The following PLBD2 variants were observed in gnomAD, a reference collection of about 807,000 sequenced individuals.
The protein encoded by PLBD2 is putative aminopeptidase PLBD2.
In PLBD2, 51 loss-of-function variants were observed where a neutral mutation model predicts 68.3. That is an observed-to-expected ratio of 0.75 (90% CI 0.60 to 0.94). The LOEUF is 0.94. Among genes scored for constraint, PLBD2 ranks in the 40% least tolerant of loss-of-function variants. PLBD2 has a pLI of 0.00. For missense variants in PLBD2, 729 were observed against 792.2 expected, an observed-to-expected ratio of 0.92 and a Z score of 0.96; for synonymous variants, 314 against 339.3, an observed-to-expected ratio of 0.93 and a Z score of 0.82.
At chr12:113,381,803 T>G (rs575314378) in intron 6 of PLBD2, among the ~76,000 whole-genome samples, 19 of 151,708 alleles carry the variant, frequency 1.3e-4, no homozygotes, top group African/African-American at 4.4e-4. Flanking sequence ...CTCAGAATAG[T>G]GTTTTAACTT....
intron 1 of PLBD2, among the ~76,000 whole-genome samples, chr12:113,367,605 C>T (rs1957351889): frequency 1.3e-5 from 2 of 151,906 alleles, no homozygotes; most frequent in African/African-American, 4.8e-5. Context: ...CCAAAATTAG[C>T]TGGGTGTGGT....
Position 113,385,250 on chromosome 12 carries a change from A to G in PLBD2, c.1253A>G (p.Tyr418Cys), listed in dbSNP as rs768155577. 1 of 1,614,054 alleles carries G rather than the reference A, an allele frequency of 6.2e-7. No homozygotes were observed. The highest frequency in any genetic ancestry group is 8.5e-7 in the Non-Finnish European group (1 of 1,179,988). ...VVVADKTSEL[Y>C]QKTYWASYNI... The stretch of plus-strand genomic sequence containing the variant: ...GTGGCTGACAAGACCTCGGAGCTCT[A>G]CCAGAAGACCTACTGGGCCAGCTAC... Residue 418 changes from tyrosine to cysteine, a missense_variant, in exon 9 of 12, where the codon TAC (tyrosine) becomes TGC (cysteine). Physicochemically the swap from Tyr to Cys is radical, Grantham distance 194 (BLOSUM62 -2). Coordinates refer to ENST00000280800, the MANE Select transcript of PLBD2 (RefSeq NM_173542.4).
rs551883115 is a variant in PLBD2 at position 113,380,415 on chromosome 12, G to A, written c.860-330G>A. 3.9e-5 allele frequency among the ~76,000 whole-genome samples: 6 copies of A among 152,326 alleles called. No homozygotes were observed. The East Asian group carries it at 1.2e-3, about 29-fold the overall frequency. On this transcript the variant is annotated intron_variant, in intron 5 of 11. Coordinates refer to ENST00000280800, the MANE Select transcript of PLBD2 (RefSeq NM_173542.4). ...CTCCCAAAGTGCAGGGATTACAGGT[G>A]TGAGCCACTGCACCCAGCTGTGTTG...
At position 113,374,592 on chromosome 12, in the gene PLBD2, AGT is replaced by A. The variant is rs772778854; in HGVS notation, c.644+20_644+21del. Reference sequence around the variant, plus strand: ...GGGTTCCTGTAAGTGCCACCCCCAGAGTGAACAGGGTGGGAAGAAGGGCCACA... The same window carrying A: ...GGGTTCCTGTAAGTGCCACCCCCAGAGAACAGGGTGGGAAGAAGGGCCACA... On this transcript the variant is annotated intron_variant, in intron 4 of 11. Transcript: ENST00000280800. 1.5e-5 allele frequency: 23 copies of A among 1,571,086 alleles called. No homozygotes were observed. Among genetic ancestry groups the A allele is most frequent in the African/African-American group, 2.7e-5 (2 of 74,260 alleles).
At chr12:113,373,227 T>G (rs1304069726) in intron 3 of PLBD2, among the ~76,000 whole-genome samples, 1 of 152,260 alleles carries the variant, frequency 6.6e-6, no homozygotes, top group African/African-American at 2.4e-5. Flanking sequence ...TGTTTTCCTT[T>G]CCTTGAGTGA....
chr12:113,380,715 C>T, intron 5 of PLBD2, 30 bp from the exon 6 acceptor site: 1 of 1,536,688 alleles, frequency 6.5e-7, no homozygotes, highest in Non-Finnish European at 8.8e-7. Context: ...CCTGTCTGAC[C>T]AGCATCCCTG....
intron 6 of PLBD2, among the ~76,000 whole-genome samples, chr12:113,382,599 A>G (rs1386684462): frequency 2.0e-5 from 3 of 151,790 alleles, no homozygotes; most frequent in Admixed American, 6.6e-5. Flanking sequence ...GCCTGCCACC[A>G]TGCCTGGCTA....
At chr12:113,363,671 G>A (rs1258090656) in intron 1 of PLBD2, among the ~76,000 whole-genome samples, 1 of 151,358 alleles carries the variant, frequency 6.6e-6, no homozygotes, top group Non-Finnish European at 1.5e-5. Context: ...CCGAGTAGCT[G>A]GGACTACAGG....
In PLBD2 at chr12:113,384,282, C is replaced by T. The variant is rs772600334; in HGVS notation, c.1118+17C>T. ...CAGCGGCACGTGAGTGGGCTTCTGGCCCTGTGGCTTCCCCTGCACCAAGAG... is the reference window on the plus strand; with the variant it reads ...CAGCGGCACGTGAGTGGGCTTCTGGTCCTGTGGCTTCCCCTGCACCAAGAG... On this transcript the variant is annotated intron_variant, in intron 7 of 11. Coordinates refer to ENST00000280800, the MANE Select transcript of PLBD2 (RefSeq NM_173542.4). This position sits in a 1 kb window ranked among gnomAD's most constrained non-coding sequence, Gnocchi z 4.2. The T allele has an allele frequency of 3.8e-6, 6 of 1,599,020 alleles. No homozygotes were observed. Among genetic ancestry groups the T allele is most frequent in the Non-Finnish European group, 5.1e-6 (6 of 1,171,436 alleles).
intron 6 of PLBD2, among the ~76,000 whole-genome samples, chr12:113,383,421 CACGTGCCTCA>C (rs1957515788): frequency 6.6e-6 from 1 of 152,096 alleles, no homozygotes; most frequent in South Asian, 2.1e-4. Flanking sequence ...TGGTGGGGAA[CACGTGCCTCA>C]ACTGGATATG....
chr12:113,364,011 T>TG (rs1244615561), intron 1 of PLBD2, among the ~76,000 whole-genome samples: 1 of 152,244 alleles, frequency 6.6e-6, no homozygotes, highest in Non-Finnish European at 1.5e-5. Context: ...TCTTTGCTCA[T>TG]CAGCACATGC....
chr12:113,369,780 T>G (rs938055769), intron 2 of PLBD2, among the ~76,000 whole-genome samples: 1 of 150,108 alleles, frequency 6.7e-6, no homozygotes, highest in African/African-American at 2.5e-5. Context: ...TTGGGGGGAG[T>G]GGGGAGTGGG....
chr12:113,362,943 C>A (rs1957308082), intron 1 of PLBD2, among the ~76,000 whole-genome samples: 1 of 150,560 alleles, frequency 6.6e-6, no homozygotes, highest in African/African-American at 2.4e-5. Flanking sequence ...AGCCACTATA[C>A]CCAGCTAATT....
chr12:113,386,548 C>G (rs139894012), intron 9 of PLBD2, among the ~76,000 whole-genome samples: 177 of 146,646 alleles, frequency 1.2e-3, no homozygotes, highest in African/African-American at 4.1e-3. Context: ...GAGACGGAGT[C>G]TCGCTGTGTC....
At chr12:113,369,604 C>T (rs1458485136) in intron 2 of PLBD2, among the ~76,000 whole-genome samples, 3 of 151,894 alleles carry the variant, frequency 2.0e-5, no homozygotes, top group Non-Finnish European at 4.4e-5. Context: ...CAGCTATAAA[C>T]GGGAATAAAG....
chr12:113,386,896 G>A, intron 9 of PLBD2, 41 bp from the exon 10 acceptor site: 1 of 1,604,038 alleles, frequency 6.2e-7, no homozygotes, highest in Non-Finnish European at 8.5e-7. Context: ...GGCTGAGTGA[G>A]GCCAGTGGGG....
At chr12:113,376,175 T>C (rs1957436618) in intron 5 of PLBD2, among the ~76,000 whole-genome samples, 1 of 137,172 alleles carries the variant, frequency 7.3e-6, no homozygotes, top group African/African-American at 2.8e-5. Flanking sequence ...TTTTTTTTTT[T>C]TTTTTTGAGA....
At chr12:113,358,965 G>T (rs1442409113) in intron 1 of PLBD2, 75 bp downstream of exon 1, 1 of 1,411,484 alleles carries the variant, frequency 7.1e-7, no homozygotes, top group African/African-American at 1.5e-5. Context: ...GCCTGTTCCC[G>T]GGACCGGCCT....
At position 113,390,278 on chromosome 12, in the gene PLBD2, C is replaced by T. The variant is rs1957597374; in HGVS notation, c.*1652C>T. 1 of 151,612 alleles carries T rather than the reference C, an allele frequency of 6.6e-6. No individual in the cohort carries two copies. The highest frequency in any genetic ancestry group is 2.4e-5 in the African/African-American group (1 of 41,258). The allele number at this position is 151,612 out of a possible 1,614,324, so 9.4% of individuals were successfully genotyped here. On this transcript the variant is annotated 3_prime_UTR_variant, in exon 12 of 12. Transcript: ENST00000280800. ...TCCATCCATCCACCCACCCAATCAT[C>T]TACCCACTCACCTATCCACCCATCC...
Sources: gnomAD v4.1 joint callset for allele counts (sites outside exome capture counted in the v4.1 genomes callset) on GRCh38, gnomAD v4.1.1 for gene constraint, Gnocchi (gnomAD v3.1) non-coding constraint, MANE v1.5 for transcripts, NCBI Gene and HGNC (gene_info 2026-07-23, HGNC 2026-07-21) for gene names.